The following DLG2 variants were observed in gnomAD, a reference collection of about 807,000 sequenced individuals.
The protein encoded by DLG2 is disks large homolog 2.
A neutral mutation model predicts 132.5 loss-of-function variants in DLG2; 45 were observed. The observed-to-expected ratio is 0.34, with a 90% CI of 0.27 to 0.44. The LOEUF is 0.44. DLG2 is among the 20% of genes least tolerant of loss of function. The probability of loss-of-function intolerance (pLI) is 1.00; values close to 1 mark genes in which losing one functional copy is unlikely to be tolerated. For synonymous variants in DLG2, 424 were observed against 419.6 expected, an observed-to-expected ratio of 1.01 and a Z score of -0.13; for missense variants, 1,045 against 1,196.9, an observed-to-expected ratio of 0.87 and a Z score of 1.87.
At chr11:83,514,829 C>G (rs189004502) in intron 21 of DLG2, among the ~76,000 whole-genome samples, 1 of 152,078 alleles carries the variant, frequency 6.6e-6, no homozygotes, top group Non-Finnish European at 1.5e-5. Flanking sequence ...TGCTGGATTA[C>G]GTTTATTGAT....
chr11:84,438,803 A>C (rs2099008944), intron 7 of DLG2, among the ~76,000 whole-genome samples: 1 of 152,238 alleles, frequency 6.6e-6, no homozygotes, highest in Non-Finnish European at 1.5e-5. Context: ...CCAGTGGCAC[A>C]CAAACTAGAC....
intron 3 of DLG2, among the ~76,000 whole-genome samples, chr11:85,565,759 A>G (rs1156792278): frequency 2.0e-5 from 3 of 152,114 alleles, no homozygotes; most frequent in Non-Finnish European, 4.4e-5. Flanking sequence ...CAGTTGATGG[A>G]CATTTGGATT....
At chr11:84,637,977 CTA>C (rs1359109577) in intron 6 of DLG2, among the ~76,000 whole-genome samples, 2 of 152,310 alleles carry the variant, frequency 1.3e-5, no homozygotes, top group Non-Finnish European at 2.9e-5. Flanking sequence ...GCTTTCTTAA[CTA>C]TGTTACTTTC....
intron 6 of DLG2, among the ~76,000 whole-genome samples, chr11:84,638,000 C>A (rs1265119398): frequency 6.6e-6 from 1 of 152,218 alleles, no homozygotes; most frequent in African/African-American, 2.4e-5. Flanking sequence ...TGTCTGGTTT[C>A]TCTACCTTAT....
At chr11:85,410,892 T>C (rs569176042) in intron 3 of DLG2, among the ~76,000 whole-genome samples, 146 of 151,814 alleles carry the variant, frequency 9.6e-4, no homozygotes, top group Non-Finnish European at 1.8e-3. Flanking sequence ...AGTAGGTCGA[T>C]GCTCATTATT....
chr11:85,240,532 T>C (rs1595631903), intron 4 of DLG2, among the ~76,000 whole-genome samples: 1 of 151,874 alleles, frequency 6.6e-6, no homozygotes, highest in East Asian at 1.9e-4. Flanking sequence ...TATTTTATAT[T>C]AAGATTTTAA....
rs768420271 is a variant in DLG2 at position 84,420,650 on chromosome 11, C to CTTTTTTTTTTTTTTTTT, written c.519+113903_519+113919dup. On this transcript the variant is annotated intron_variant, in intron 7 of 27. Coordinates refer to ENST00000376104, the MANE Select transcript of DLG2 (RefSeq NM_001142699.3). ...CAGCACAGTGACCAATGCTTGTTTT[C>CTTTTTTTTTTTTTTTTT]TTTTTTTTTTTTTTTTTTTTTTTTT... Among the ~76,000 whole-genome samples the CTTTTTTTTTTTTTTTTT allele has an allele frequency of 1.4e-3, 61 of 42,234 alleles. 27 individuals carry two copies. Among genetic ancestry groups the CTTTTTTTTTTTTTTTTT allele is most frequent in the East Asian group, 4.4e-3 (4 of 918 alleles). The allele number at this position is 42,234 out of a possible 152,430, so 27.7% of individuals were successfully genotyped here. A position where few individuals can be genotyped will look rare whatever the true frequency, so the allele number is the denominator to read the frequency against.
At chr11:83,908,552 C>T (rs966788240) in intron 15 of DLG2, among the ~76,000 whole-genome samples, 2 of 152,122 alleles carry the variant, frequency 1.3e-5, no homozygotes, top group African/African-American at 4.8e-5. Context: ...ATCTGCCTCA[C>T]ACCCACGATT....
At chr11:85,001,815 T>C (rs1484931671) in intron 6 of DLG2, among the ~76,000 whole-genome samples, 5 of 152,170 alleles carry the variant, frequency 3.3e-5, no homozygotes, top group Non-Finnish European at 5.9e-5. Flanking sequence ...AATGTACCAC[T>C]CAGGTGAGGG....
chr11:85,163,328 T>C (rs1227579210), intron 4 of DLG2, among the ~76,000 whole-genome samples: 1 of 152,198 alleles, frequency 6.6e-6, no homozygotes, highest in African/African-American at 2.4e-5. Flanking sequence ...AACTATCTTT[T>C]GATCTCTGGA....
chr11:84,082,262 T>A (rs956132212), intron 10 of DLG2, among the ~76,000 whole-genome samples: 2 of 152,158 alleles, frequency 1.3e-5, no homozygotes, highest in African/African-American at 4.8e-5. Context: ...TGGTATTAAA[T>A]GAAAAAGGCA....
intron 19 of DLG2, among the ~76,000 whole-genome samples, chr11:83,559,657 T>C (rs779269789): frequency 7.2e-5 from 11 of 152,216 alleles, no homozygotes; most frequent in Non-Finnish European, 1.5e-4. Flanking sequence ...CTATATTTCT[T>C]TGCATCTAGC....
intron 10 of DLG2, among the ~76,000 whole-genome samples, chr11:84,061,679 A>G (rs984286342): frequency 3.3e-5 from 5 of 152,174 alleles, no homozygotes; most frequent in Non-Finnish European, 5.9e-5. Flanking sequence ...GTTTTTGTGC[A>G]TAACTTTTCT....
intron 21 of DLG2, among the ~76,000 whole-genome samples, chr11:83,524,023 GA>G (rs2095547200): frequency 6.6e-6 from 1 of 152,162 alleles, no homozygotes; most frequent in Non-Finnish European, 1.5e-5. Context: ...GGAATCTAAA[GA>G]AAAGAGTAGT....
chr11:83,560,252 G>A (rs1398383724), intron 19 of DLG2, among the ~76,000 whole-genome samples: 4 of 151,958 alleles, frequency 2.6e-5, no homozygotes, highest in Non-Finnish European at 5.9e-5. Context: ...GGAATAGCTG[G>A]GATTACAGCT....
rs941157969 is a variant in DLG2 at position 85,339,934 on chromosome 11, A to G, written c.41-54569T>C. Among the ~76,000 whole-genome samples, 12 of 152,320 alleles carry G rather than the reference A, an allele frequency of 7.9e-5. No individual in the cohort carries two copies. In the East Asian group the frequency reaches 1.7e-3, roughly 22 times the overall value. On this transcript the variant is annotated intron_variant, in intron 3 of 27. Coordinates refer to ENST00000376104, the MANE Select transcript of DLG2 (RefSeq NM_001142699.3). Reference sequence around the variant, plus strand: ...CAGAGAAATGCAAATCAAAACCACAATGAGATACCATCTCACGCCAGTTAG... The same window carrying G: ...CAGAGAAATGCAAATCAAAACCACAGTGAGATACCATCTCACGCCAGTTAG...
intron 6 of DLG2, among the ~76,000 whole-genome samples, chr11:84,693,911 C>T (rs932897164): frequency 2.6e-5 from 4 of 151,634 alleles, no homozygotes; most frequent in Non-Finnish European, 5.9e-5. Flanking sequence ...CTAAGACATT[C>T]CCAAACTGGA....
chr11:84,557,500 T>C (rs529319014), intron 6 of DLG2, among the ~76,000 whole-genome samples: 25 of 152,324 alleles, frequency 1.6e-4, no homozygotes, highest in Admixed American at 3.9e-4. Flanking sequence ...TAAAAATGCT[T>C]AGTTTATATC....
chr11:84,961,112 T>C (rs2052497324), intron 6 of DLG2, among the ~76,000 whole-genome samples: 1 of 151,728 alleles, frequency 6.6e-6, no homozygotes, highest in Non-Finnish European at 1.5e-5. Context: ...CCATGCTTCC[T>C]TAATTGACTG....
Sources: allele counts gnomAD v4.1 joint callset (sites outside exome capture counted in the v4.1 genomes callset), GRCh38; gene constraint gnomAD v4.1.1; transcripts MANE v1.5; gene names NCBI Gene and HGNC (gene_info 2026-07-23, HGNC 2026-07-21).